The following BPNT2 variants were observed in gnomAD, a reference collection of about 807,000 sequenced individuals.
BPNT2 encodes the protein Golgi-resident adenosine 3',5'-bisphosphate 3'-phosphatase.
BPNT2 carries 11 observed loss-of-function variants against 29.3 expected under a neutral mutation model. That is an observed-to-expected ratio of 0.38 (90% CI 0.24 to 0.62). BPNT2 has a LOEUF of 0.62. BPNT2 is among the 20% of genes least tolerant of loss of function. The pLI, the probability that BPNT2 is intolerant of heterozygous loss-of-function variation, is 0.62. For synonymous variants in BPNT2, 195 were observed against 187.7 expected, an observed-to-expected ratio of 1.04 and a Z score of -0.32; for missense variants, 459 against 473.4, an observed-to-expected ratio of 0.97 and a Z score of 0.28.
intron 1 of BPNT2, among the ~76,000 whole-genome samples, chr8:56,987,415 G>A (rs895561169): frequency 4.6e-5 from 7 of 152,204 alleles, no homozygotes; most frequent in African/African-American, 1.7e-4. Flanking sequence ...AATGTTTTGA[G>A]AGTGTGAATA....
chr8:56,982,934 T>G (rs886339795), intron 1 of BPNT2, among the ~76,000 whole-genome samples: 1 of 152,208 alleles, frequency 6.6e-6, no homozygotes, highest in African/African-American at 2.4e-5. Flanking sequence ...GTATTGATCA[T>G]GCTAAATCAT....
chr8:56,989,926 CCT>C (rs1330170513), intron 1 of BPNT2, among the ~76,000 whole-genome samples: 2 of 152,164 alleles, frequency 1.3e-5, no homozygotes, highest in African/African-American at 4.8e-5. Flanking sequence ...AGATTCTTTT[CCT>C]CTGTTTTCAG....
intron 2 of BPNT2, among the ~76,000 whole-genome samples, chr8:56,978,771 T>C (rs889371486): frequency 6.6e-6 from 1 of 152,250 alleles, no homozygotes; most frequent in East Asian, 1.9e-4. Flanking sequence ...GAGGCCATTA[T>C]CCTTAGCAAA....
At position 56,959,270 on chromosome 8, in the gene BPNT2, C is replaced by T. The variant is rs1344108019; in HGVS notation, c.*4523G>A. On this transcript the variant is annotated 3_prime_UTR_variant, in exon 5 of 5. Transcript: ENST00000262644. ...ATCTCATTTTCCCACAAAATTAATT[C>T]AACATCCAACCTTAAAAATAAATAA... The T allele has an allele frequency of 6.6e-6, 1 of 152,150 alleles. No homozygotes were observed. The highest frequency in any genetic ancestry group is 1.5e-5 in the Non-Finnish European group (1 of 68,034). 9.4% of individuals were successfully genotyped at this position (152,150 alleles called of 1,614,324 possible).
At chr8:56,976,696 T>C (rs749041949) in intron 3 of BPNT2, among the ~76,000 whole-genome samples, 26 of 152,206 alleles carry the variant, frequency 1.7e-4, no homozygotes, top group Admixed American at 5.9e-4. Context: ...AACAAATACA[T>C]AATTTTAGAG....
intron 3 of BPNT2, among the ~76,000 whole-genome samples, chr8:56,973,840 TAAGG>T (rs914561694): frequency 6.6e-6 from 1 of 152,146 alleles, no homozygotes; most frequent in Non-Finnish European, 1.5e-5. Context: ...CTAAAGCAAA[TAAGG>T]AAGGATTGGT....
chr8:56,993,625 G>A lies in BPNT2; in HGVS notation c.-40C>T. On this transcript the variant is annotated 5_prime_UTR_variant, in exon 1 of 5. Transcript: ENST00000262644. ...GGCGCTCCGGGCTGCGGCTCTCACAGGCCTCCAGCGCCCGCCGCCGCCGCC... is the reference window on the plus strand; with the variant it reads ...GGCGCTCCGGGCTGCGGCTCTCACAAGCCTCCAGCGCCCGCCGCCGCCGCC... 2 of 1,288,102 alleles carry A rather than the reference G, an allele frequency of 1.6e-6. No homozygotes were observed. Among genetic ancestry groups the A allele is most frequent in the Non-Finnish European group, 2.0e-6 (2 of 1,018,566 alleles). 79.8% of individuals were successfully genotyped at this position (1,288,102 alleles called of 1,614,324 possible).
At chr8:56,975,625 T>C (rs1317552107) in intron 3 of BPNT2, among the ~76,000 whole-genome samples, 2 of 152,246 alleles carry the variant, frequency 1.3e-5, no homozygotes, top group East Asian at 1.9e-4. Flanking sequence ...ATTTTGAACT[T>C]ATGGTTTCAT....
Position 56,961,589 on chromosome 8 carries a change from T to A in BPNT2, c.*2204A>T, listed in dbSNP as rs1241542882. On this transcript the variant is annotated 3_prime_UTR_variant, in exon 5 of 5. Coordinates refer to ENST00000262644, the MANE Select transcript of BPNT2 (RefSeq NM_017813.5). ...ACAATTAAAAATAAAAATAAAATCA[T>A]CACTTTGGGAGGCCGAGGTGGGCGG... 6.6e-6 allele frequency: 1 copy of A among 151,980 alleles called. No individual in the cohort carries two copies. Among genetic ancestry groups the A allele is most frequent in the Non-Finnish European group, 1.5e-5 (1 of 68,006 alleles). 9.4% of individuals were successfully genotyped at this position (151,980 alleles called of 1,614,324 possible). A position where few individuals can be genotyped will look rare whatever the true frequency, so the allele number is the denominator to read the frequency against.
At position 56,958,734 on chromosome 8, in the gene BPNT2, A is replaced by G. The variant is rs1805779192; in HGVS notation, c.*5059T>C. On this transcript the variant is annotated 3_prime_UTR_variant, in exon 5 of 5. Coordinates refer to ENST00000262644, the MANE Select transcript of BPNT2 (RefSeq NM_017813.5). ...GTCCACACTGCCAAAAGGGAAAAAC[A>G]AGAAAAACCAGCCCTAGCAGTGCCC... 2.0e-5 allele frequency: 3 copies of G among 152,226 alleles called. No homozygotes were observed. Among genetic ancestry groups the G allele is most frequent in the Non-Finnish European group, 4.4e-5 (3 of 68,032 alleles). The allele number at this position is 152,226 out of a possible 1,614,324, so 9.4% of individuals were successfully genotyped here.
At chr8:56,968,384 T>A in intron 3 of BPNT2, among the ~76,000 whole-genome samples, 1 of 135,974 alleles carries the variant, frequency 7.4e-6, no homozygotes, top group Non-Finnish European at 1.6e-5. Flanking sequence ...GAGAAAGTGA[T>A]AGATTAAAAA....
chr8:56,975,906 TG>T (rs1370040057), intron 3 of BPNT2, among the ~76,000 whole-genome samples: 5 of 152,190 alleles, frequency 3.3e-5, no homozygotes, highest in Admixed American at 3.3e-4. Flanking sequence ...CAATTGTAAG[TG>T]AGAGTACTGA....
In BPNT2 at chr8:56,971,366, A is replaced by G. The variant is rs551962701; in HGVS notation, c.647-5014T>C. Among the ~76,000 whole-genome samples, 17 of 152,040 alleles carry G rather than the reference A, an allele frequency of 1.1e-4. 1 individual carries two copies. The highest frequency in any genetic ancestry group is 2.0e-4 in the Admixed American group (3 of 15,262). On this transcript the variant is annotated intron_variant, in intron 3 of 4. Coordinates refer to ENST00000262644, the MANE Select transcript of BPNT2 (RefSeq NM_017813.5). ...AAATAACAATTTATTATTAATAGCTATAAAATTTCCACCGAGTGAATATAC... is the reference window on the plus strand; with the variant it reads ...AAATAACAATTTATTATTAATAGCTGTAAAATTTCCACCGAGTGAATATAC...
At position 56,985,945 on chromosome 8, in the gene BPNT2, C is replaced by G. The variant is rs144459834; in HGVS notation, c.388-5748G>C. Among the ~76,000 whole-genome samples the G allele has an allele frequency of 5.3e-5, 8 of 152,276 alleles. No homozygotes were observed. The East Asian group carries it at 1.5e-3, about 29-fold the overall frequency. On this transcript the variant is annotated intron_variant, in intron 1 of 4. Transcript: ENST00000262644. ...TAGGCAATAAAAAGAAAGCTCCTGCCCAATTCTCCAATCTCTTCTCTTTCC... is the reference window on the plus strand; with the variant it reads ...TAGGCAATAAAAAGAAAGCTCCTGCGCAATTCTCCAATCTCTTCTCTTTCC...
chr8:56,986,645 A>C (rs1266434547), intron 1 of BPNT2, among the ~76,000 whole-genome samples: 1 of 152,218 alleles, frequency 6.6e-6, no homozygotes, highest in Non-Finnish European at 1.5e-5. Flanking sequence ...AACCTACCAA[A>C]CATCACAGCA....
chr8:56,967,892 G>T (rs1805976235), intron 3 of BPNT2, among the ~76,000 whole-genome samples: 1 of 152,106 alleles, frequency 6.6e-6, no homozygotes, highest in Non-Finnish European at 1.5e-5. Flanking sequence ...AGAAATGAAA[G>T]CTCCTGAACT....
intron 3 of BPNT2, 137 bp from the exon 4 acceptor site, chr8:56,966,489 CAG>C: frequency 1.3e-6 from 1 of 762,844 alleles, no homozygotes; most frequent in Non-Finnish European, 2.2e-6. Flanking sequence ...TCCCCCAAAA[CAG>C]AAAGCTTTTT....
At chr8:56,979,836 C>T (rs1324728594) in intron 2 of BPNT2, among the ~76,000 whole-genome samples, 199 bp downstream of exon 2, 2 of 152,148 alleles carry the variant, frequency 1.3e-5, no homozygotes, top group Non-Finnish European at 2.9e-5. Context: ...TTCCTAACAT[C>T]CCGAGTAAAC....
chr8:56,974,113 ATT>A (rs998138503), intron 3 of BPNT2, among the ~76,000 whole-genome samples: 14 of 152,080 alleles, frequency 9.2e-5, no homozygotes, highest in African/African-American at 1.2e-4. Context: ...TCTCAGTAAC[ATT>A]TTCTTTCCTC....
Sources: gnomAD v4.1 joint callset for allele counts (sites outside exome capture counted in the v4.1 genomes callset) on GRCh38, gnomAD v4.1.1 for gene constraint, MANE v1.5 for transcripts, NCBI Gene and HGNC (gene_info 2026-07-23, HGNC 2026-07-21) for gene names.